The following FAM13A variants were observed in gnomAD, a reference collection of about 807,000 sequenced individuals.
FAM13A encodes protein FAM13A.
A neutral mutation model predicts 129.6 loss-of-function variants in FAM13A; 76 were observed. That is an observed-to-expected ratio of 0.59 (90% CI 0.49 to 0.71). The LOEUF (loss-of-function observed/expected upper bound fraction) is 0.71. Ranked by LOEUF, FAM13A falls within the 30% of genes least tolerant of loss-of-function variation. The probability of loss-of-function intolerance (pLI) is 0.00; values close to 1 mark genes in which losing one functional copy is unlikely to be tolerated. For synonymous variants in FAM13A, 443 were observed against 449.9 expected, an observed-to-expected ratio of 0.98 and a Z score of 0.20; for missense variants, 1,108 against 1,249.3, an observed-to-expected ratio of 0.89 and a Z score of 1.70.
intron 8 of FAM13A, among the ~76,000 whole-genome samples, chr4:88,801,636 A>G (rs1486447120): frequency 6.6e-6 from 1 of 152,212 alleles, no homozygotes; most frequent in Non-Finnish European, 1.5e-5. Flanking sequence ...AGCCCAATGA[A>G]CAAAACTGGT....
chr4:88,941,811 T>C (rs1405903355), intron 4 of FAM13A, among the ~76,000 whole-genome samples: 6 of 152,196 alleles, frequency 3.9e-5, no homozygotes, highest in Non-Finnish European at 8.8e-5. Flanking sequence ...AACAGGTAGT[T>C]TGTGCTATGG....
chr4:88,856,005 A>G (rs1738426983), intron 6 of FAM13A: 1 of 152,242 alleles, frequency 6.6e-6, no homozygotes, highest in Non-Finnish European at 1.5e-5. Context: ...CTTCCCAGAA[A>G]AGTAATGTGC....
chr4:88,823,580 A>G (rs1041796741), intron 7 of FAM13A, among the ~76,000 whole-genome samples: 3 of 152,196 alleles, frequency 2.0e-5, no homozygotes, highest in Non-Finnish European at 4.4e-5. Flanking sequence ...TGTCAAGGAA[A>G]GACACTGCCC....
At chr4:88,838,334 G>A (rs1017007424) in intron 7 of FAM13A, among the ~76,000 whole-genome samples, 2 of 152,176 alleles carry the variant, frequency 1.3e-5, no homozygotes, top group Non-Finnish European at 2.9e-5. Context: ...TGGAAAAGAA[G>A]TGCTAAAATA....
chr4:88,783,788 G>A (rs1362353380), intron 10 of FAM13A, among the ~76,000 whole-genome samples: 1 of 152,032 alleles, frequency 6.6e-6, no homozygotes, highest in East Asian at 1.9e-4. Flanking sequence ...GTAAGAAGAG[G>A]GAGAGACATC....
At chr4:88,766,879 G>T (rs1745795892) in intron 13 of FAM13A, among the ~76,000 whole-genome samples, 1 of 152,170 alleles carries the variant, frequency 6.6e-6, no homozygotes, top group Non-Finnish European at 1.5e-5. Flanking sequence ...TAAGATTGAA[G>T]GTGGAGTTGG....
Position 88,746,998 on chromosome 4 carries a change from C to T in FAM13A, c.2400G>A (p.Gln800=). ...GCAGAGCCACTTTCTCATTAGCAATCTGGTCTTTGGTCATATCCTGTATAA... is the reference window on the plus strand; with the variant it reads ...GCAGAGCCACTTTCTCATTAGCAATTTGGTCTTTGGTCATATCCTGTATAA... ...PEDIKDMTKD[Q]IANEKVALQK... is the part of the protein sequence containing the mutation. The change falls in exon 19 of 24, where the codon CAG becomes CAA. Residue 800 remains glutamine, a synonymous_variant. Transcript: ENST00000264344. 6.2e-7 allele frequency: 1 copy of T among 1,612,356 alleles called. No homozygotes were observed. The highest frequency in any genetic ancestry group is 8.5e-7 in the Non-Finnish European group (1 of 1,178,420).
intron 4 of FAM13A, among the ~76,000 whole-genome samples, chr4:88,956,397 T>G (rs1757759335): frequency 6.6e-6 from 1 of 152,176 alleles, no homozygotes; most frequent in African/African-American, 2.4e-5. Flanking sequence ...AGGTGTGGGG[T>G]AGGTTATACC....
intron 12 of FAM13A, 73 bp from the exon 13 acceptor site, chr4:88,767,668 T>TCG: frequency 5.8e-6 from 7 of 1,202,966 alleles, no homozygotes; most frequent in Non-Finnish European, 8.2e-6. Context: ...TCCACTGATA[T>TCG]TATGATTTAA....
intron 6 of FAM13A, among the ~76,000 whole-genome samples, chr4:88,903,560 C>T (rs1303082270): frequency 6.6e-6 from 1 of 152,058 alleles, no homozygotes; most frequent in Non-Finnish European, 1.5e-5. Flanking sequence ...TAGCCATATG[C>T]CAAAAATTGA....
At chr4:88,765,476 C>T (rs1356105644) in intron 13 of FAM13A, among the ~76,000 whole-genome samples, 4 of 152,104 alleles carry the variant, frequency 2.6e-5, no homozygotes, top group East Asian at 1.9e-4. Flanking sequence ...ACTTATTTTT[C>T]ATCACTGAAA....
chr4:88,749,549 A>C (rs986135559), intron 16 of FAM13A, among the ~76,000 whole-genome samples: 1 of 152,166 alleles, frequency 6.6e-6, no homozygotes, highest in Non-Finnish European at 1.5e-5. Context: ...ATGTAGACTT[A>C]AGCTTTCATT....
chr4:88,829,257 C>G (rs1733512227), intron 7 of FAM13A, among the ~76,000 whole-genome samples: 1 of 152,178 alleles, frequency 6.6e-6, no homozygotes, highest in Admixed American at 6.5e-5. Flanking sequence ...GCCTAAGCAA[C>G]ATAGTGAGAT....
intron 11 of FAM13A, among the ~76,000 whole-genome samples, chr4:88,771,788 T>G (rs1179789770): frequency 6.6e-6 from 1 of 152,174 alleles, no homozygotes; most frequent in African/African-American, 2.4e-5. Flanking sequence ...CTCATATAAG[T>G]CCTATCAATG....
intron 6 of FAM13A, among the ~76,000 whole-genome samples, chr4:88,877,057 T>C (rs956168089): frequency 3.9e-5 from 6 of 152,338 alleles, no homozygotes; most frequent in East Asian, 1.9e-4. Flanking sequence ...TAAGCTTACA[T>C]ATGGAAATAC....
chr4:88,971,204 T>C (rs1444188367), intron 4 of FAM13A, among the ~76,000 whole-genome samples: 1 of 151,912 alleles, frequency 6.6e-6, no homozygotes, highest in Non-Finnish European at 1.5e-5. Flanking sequence ...GGCGACAGAG[T>C]GAGACTCTGC....
intron 2 of FAM13A, 72 bp from the exon 3 acceptor site, chr4:89,020,741 C>T: frequency 1.0e-6 from 1 of 975,234 alleles, no homozygotes; most frequent in South Asian, 1.4e-5. Context: ...ATGATAACAA[C>T]ACAAAGAAAG....
At chr4:88,834,175 G>A (rs1361742023) in intron 7 of FAM13A, among the ~76,000 whole-genome samples, 1 of 143,086 alleles carries the variant, frequency 7.0e-6, no homozygotes, top group Non-Finnish European at 1.5e-5. Flanking sequence ...GCCTCCCAAA[G>A]TGCTGGGATT....
intron 13 of FAM13A, among the ~76,000 whole-genome samples, chr4:88,761,274 T>C (rs1392602866): frequency 6.6e-6 from 1 of 152,232 alleles, no homozygotes; most frequent in Non-Finnish European, 1.5e-5. Flanking sequence ...GAAGCCATCA[T>C]TCTTTCTCTA....
Sources: gnomAD v4.1 joint callset for allele counts (sites outside exome capture counted in the v4.1 genomes callset) on GRCh38, gnomAD v4.1.1 for gene constraint, MANE v1.5 for transcripts, NCBI Gene and HGNC (gene_info 2026-07-23, HGNC 2026-07-21) for gene names.